The following SLC17A8 variants were observed in gnomAD, a reference collection of about 807,000 sequenced individuals.
The protein encoded by SLC17A8 is vesicular glutamate transporter 3.
A neutral mutation model predicts 58.0 loss-of-function variants in SLC17A8; 31 were observed. That is an observed-to-expected ratio of 0.53 (90% CI 0.40 to 0.72). The LOEUF is 0.72. Among genes scored for constraint, SLC17A8 ranks in the 30% least tolerant of loss-of-function variants. The pLI is 0.00. For synonymous variants in SLC17A8, 228 were observed against 249.0 expected (o/e 0.92, Z 0.79); for missense variants, 655 against 727.8 (o/e 0.90, Z 1.15).
intron 2 of SLC17A8, among the ~76,000 whole-genome samples, chr12:100,381,562 A>AAG (rs1397176533): frequency 1.0e-5 from 1 of 97,648 alleles, no homozygotes; most frequent in Non-Finnish European, 1.9e-5. Context: ...GACTGTAAGA[A>AAG]AGAGACAGAG....
intron 1 of SLC17A8, among the ~76,000 whole-genome samples, chr12:100,369,082 C>T (rs1366078898): frequency 6.6e-6 from 1 of 152,074 alleles, no homozygotes. Context: ...TTGAGACCAG[C>T]CTGGCCAACA....
chr12:100,402,517 C>T (rs1338828635), intron 7 of SLC17A8, 38 bp downstream of exon 7: 27 of 1,612,686 alleles, frequency 1.7e-5, no homozygotes, highest in Non-Finnish European at 2.2e-5. Flanking sequence ...TACCTTTTTT[C>T]ATAAGTGATT....
rs1952937053 is a variant in SLC17A8 at position 100,420,015 on chromosome 12, C to CA, written c.1631dup (p.Lys545GlufsTer12). 1 of 1,613,648 alleles carries CA rather than the reference C, an allele frequency of 6.2e-7. No individual in the cohort carries two copies. Among genetic ancestry groups the CA allele is most frequent in the African/African-American group, 1.3e-5 (1 of 74,834 alleles). ...TCAACCATGAGAGTTTTGCGAGTCC[C>CA]AAAAAGAAGATGTCTTATGGAGCCA... On this transcript the variant is annotated frameshift_variant, in exon 12 of 12. Coordinates refer to ENST00000323346, the MANE Select transcript of SLC17A8 (RefSeq NM_139319.3). LOFTEE classifies it low-confidence loss of function (END_TRUNC).
intron 10 of SLC17A8, among the ~76,000 whole-genome samples, 184 bp from the exon 11 acceptor site, chr12:100,417,845 A>C (rs929991971): frequency 5.9e-5 from 9 of 152,166 alleles, no homozygotes; most frequent in Non-Finnish European, 8.8e-5. Flanking sequence ...CAATTCCAGC[A>C]TTGTCTACCA....
chr12:100,387,127 A>C (rs929210173), intron 2 of SLC17A8, among the ~76,000 whole-genome samples: 16 of 152,210 alleles, frequency 1.1e-4, no homozygotes, highest in African/African-American at 3.9e-4. Context: ...AATACCCAGA[A>C]GTGGGATTGC....
chr12:100,404,217 G>T, intron 9 of SLC17A8, 47 bp downstream of exon 9: 1 of 1,611,616 alleles, frequency 6.2e-7, no homozygotes, highest in African/African-American at 1.3e-5. Context: ...GTAGAATTAG[G>T]GTAAACTGAA....
intron 10 of SLC17A8, among the ~76,000 whole-genome samples, chr12:100,417,462 TACAG>T (rs1257730180): frequency 4.6e-5 from 7 of 152,240 alleles, no homozygotes; most frequent in Admixed American, 1.3e-4. Flanking sequence ...AGTCCAGATT[TACAG>T]ACTCCAAATC....
intron 4 of SLC17A8, among the ~76,000 whole-genome samples, chr12:100,396,007 AAAC>A (rs1310810318): frequency 1.3e-5 from 2 of 152,192 alleles, no homozygotes; most frequent in East Asian, 1.9e-4. Flanking sequence ...CCTGGTTCAT[AAAC>A]AACTACCTTC....
chr12:100,371,984 T>C (rs920094181), intron 1 of SLC17A8, among the ~76,000 whole-genome samples: 14 of 152,208 alleles, frequency 9.2e-5, no homozygotes, highest in Non-Finnish European at 1.8e-4. Flanking sequence ...TATAGAAACC[T>C]CGTGGAGTCC....
rs1216074451 is a variant in SLC17A8 at position 100,368,553 on chromosome 12, C to T, written c.101+11061C>T. Among the ~76,000 whole-genome samples, 8 of 152,220 alleles carry T rather than the reference C, an allele frequency of 5.3e-5. No homozygotes were observed. The East Asian group carries it at 1.3e-3, about 26-fold the overall frequency. On this transcript the variant is annotated intron_variant, in intron 1 of 11. Transcript: ENST00000323346. Reference sequence around the variant, plus strand: ...CTACCTCCCATATTGATGAACTCTCCCTTATCCAACTTTATTACCCTACTC... The same window carrying T: ...CTACCTCCCATATTGATGAACTCTCTCTTATCCAACTTTATTACCCTACTC...
intron 1 of SLC17A8, among the ~76,000 whole-genome samples, chr12:100,359,323 G>A (rs1399210562): frequency 1.3e-5 from 2 of 151,916 alleles, no homozygotes; most frequent in Non-Finnish European, 1.5e-5. Flanking sequence ...ATTATTGATC[G>A]AAGAGCCGGT....
Position 100,396,397 on chromosome 12 carries a change from T to A in SLC17A8, c.656T>A (p.Leu219Gln), listed in dbSNP as rs776577095. ...GCACCACCTTTGGAGAGAAGCCGAC[T>A]GGCCACAACCTCTTTTTGTGGTGGG... ...KWAPPLERSR[L>Q]ATTSFCGSYA... The change falls in exon 5 of 12, where the codon CTG becomes CAG. Residue 219 changes from leucine (L) to glutamine (Q), a missense_variant. Coordinates refer to ENST00000323346, the MANE Select transcript of SLC17A8 (RefSeq NM_139319.3). 3 of 1,613,980 alleles carry A rather than the reference T, an allele frequency of 1.9e-6. No individual in the cohort carries two copies. Among genetic ancestry groups the A allele is most frequent in the Non-Finnish European group, 2.5e-6 (3 of 1,179,998 alleles).
rs1392573500 is a variant in SLC17A8 at position 100,421,099 on chromosome 12, T to C, written c.*940T>C. 2 of 152,168 alleles carry C rather than the reference T, an allele frequency of 1.3e-5. No homozygotes were observed. Among genetic ancestry groups the C allele is most frequent in the Non-Finnish European group, 2.9e-5 (2 of 68,024 alleles). 9.4% of individuals were successfully genotyped at this position (152,168 alleles called of 1,614,324 possible). On this transcript the variant is annotated 3_prime_UTR_variant, in exon 12 of 12. Coordinates refer to ENST00000323346, the MANE Select transcript of SLC17A8 (RefSeq NM_139319.3). ...TAGCTGAAAGCAGTAAACAAGAGAT[T>C]GGCTATTAAATTTCAACTTTCCATA...
intron 1 of SLC17A8, among the ~76,000 whole-genome samples, chr12:100,362,391 T>G (rs1416841267): frequency 6.6e-6 from 1 of 152,178 alleles, no homozygotes; most frequent in African/African-American, 2.4e-5. Context: ...TTTATTTTTT[T>G]ATTTTAATTT....
chr12:100,404,037 G>C lies in SLC17A8; in HGVS notation c.1054-1G>C, dbSNP rs768942980. 2.5e-6 allele frequency: 4 copies of C among 1,614,068 alleles called. No homozygotes were observed. The highest frequency in any genetic ancestry group is 3.4e-6 in the Non-Finnish European group (4 of 1,180,016). ...CTGCTTACTGTTTCTTTCCCTTCCA[G>C]GTGGGTCTCTTGTCAGCAGTCCCAC... On this transcript the variant is annotated splice_acceptor_variant, in intron 8 of 11. Transcript: ENST00000323346. LOFTEE classifies it high-confidence loss of function.
intron 1 of SLC17A8, among the ~76,000 whole-genome samples, chr12:100,370,109 T>TA (rs1952549125): frequency 6.6e-6 from 1 of 152,050 alleles, no homozygotes; most frequent in African/African-American, 2.4e-5. Flanking sequence ...TTTATTTTTT[T>TA]ATTTATTTAA....
In SLC17A8 at chr12:100,357,507, C is replaced by T. The variant is rs752042164; in HGVS notation, c.101+15C>T. 4.6e-5 allele frequency: 71 copies of T among 1,531,164 alleles called. No individual in the cohort carries two copies. Among genetic ancestry groups the T allele is most frequent in the Non-Finnish European group, 6.3e-5 (70 of 1,104,520 alleles). The allele number at this position is 1,531,164 out of a possible 1,614,324, so 94.8% of individuals were successfully genotyped here. A position where few individuals can be genotyped will look rare whatever the true frequency, so the allele number is the denominator to read the frequency against. ...ATTTTACAAAGGTAAAGTTTGAATG[C>T]GAACTTTAGTTCCTTTCTGAGTAGC... On this transcript the variant is annotated intron_variant, in intron 1 of 11. Transcript: ENST00000323346.
At chr12:100,401,673 C>T in intron 5 of SLC17A8, 104 bp from the exon 6 acceptor site, 1 of 970,974 alleles carries the variant, frequency 1.0e-6, no homozygotes, top group Non-Finnish European at 1.7e-6. Context: ...AGTCTGATTC[C>T]TGCTCAGTTT....
At chr12:100,394,042 T>A (rs1016049149) in intron 4 of SLC17A8, among the ~76,000 whole-genome samples, 15 of 152,226 alleles carry the variant, frequency 9.9e-5, no homozygotes, top group African/African-American at 2.4e-4. Flanking sequence ...TTTTACAAAC[T>A]GAAATTTGAA....
Sources: gnomAD v4.1 joint callset for allele counts (sites outside exome capture counted in the v4.1 genomes callset) on GRCh38, gnomAD v4.1.1 for gene constraint, MANE v1.5 for transcripts, NCBI Gene and HGNC (gene_info 2026-07-23, HGNC 2026-07-21) for gene names.